XPNPEP1: variants seen among roughly 807,000 people sequenced by gnomAD.
XPNPEP1 encodes the protein X-prolyl aminopeptidase 1.
A neutral mutation model predicts 92.4 loss-of-function variants in XPNPEP1; 39 were observed. That is an observed-to-expected ratio of 0.42 (90% CI 0.33 to 0.55). The LOEUF is 0.55. Ranked by LOEUF, XPNPEP1 falls within the 20% of genes least tolerant of loss-of-function variation. The probability of loss-of-function intolerance (pLI) is 0.08; values close to 1 mark genes in which losing one functional copy is unlikely to be tolerated. For missense variants in XPNPEP1, 654 were observed against 856.1 expected (o/e 0.76, Z 2.95); for synonymous variants, 307 against 299.4 (o/e 1.03, Z -0.26).
At chr10:109,907,135 G>A (rs554847923) in intron 3 of XPNPEP1, among the ~76,000 whole-genome samples, 1 of 152,282 alleles carries the variant, frequency 6.6e-6, no homozygotes, top group African/African-American at 2.4e-5. Context: ...TTCTGTGGAA[G>A]AATAGCACTC....
chr10:109,888,575 G>A lies in XPNPEP1; in HGVS notation c.436C>T (p.Gln146Ter). ...MKMGLKDTPTQEDWLVSVLPE... is the reference protein window; with the variant it reads ...MKMGLKDTPT ...AGCACACTCACCAGCCAGTCTTCCT[G>A]AGTTGGTGTGTCCTTCAGACCTACA... Residue 146 changes from glutamine (Q) to a stop codon, truncating the protein, a stop_gained, in exon 6 of 21, where the codon CAG becomes TAG. Transcript: ENST00000502935. LOFTEE classifies it high-confidence loss of function. 1 of 1,609,026 alleles carries A rather than the reference G, an allele frequency of 6.2e-7. No individual in the cohort carries two copies. The highest frequency in any genetic ancestry group is 8.5e-7 in the Non-Finnish European group (1 of 1,177,074).
chr10:109,920,306 G>A (rs1045784502), intron 1 of XPNPEP1, among the ~76,000 whole-genome samples: 1 of 152,126 alleles, frequency 6.6e-6, no homozygotes, highest in Non-Finnish European at 1.5e-5. Flanking sequence ...GATGATAGTT[G>A]TACAACTCTG....
rs1299333885 is a variant in XPNPEP1, at chr10:109,884,161, T to C, written c.749-13A>G. 3.1e-6 allele frequency: 5 copies of C among 1,612,280 alleles called. No individual in the cohort carries two copies. The African/African-American group carries it at 5.3e-5, about 17-fold the overall frequency. ...AGATTAAATAGCCCTAGAAAAGAAA[T>C]CAAAATCCCTGTCACCTGTCTGACT... On this transcript the variant is annotated splice_polypyrimidine_tract_variant and intron_variant, in intron 8 of 20. Transcript: ENST00000502935.
At chr10:109,906,199 C>T (rs760970518) in intron 3 of XPNPEP1, among the ~76,000 whole-genome samples, 1 of 152,204 alleles carries the variant, frequency 6.6e-6, no homozygotes, top group Non-Finnish European at 1.5e-5. Context: ...CACACACAGA[C>T]ACAGACACGC....
In XPNPEP1 at chr10:109,865,325, G is replaced by A; in HGVS notation, c.1873-13C>T. ...TGAGCCAGTCGCACTGCAGGGAAGAGAAGGACAGACACGGTATTCACCACT... is the reference window on the plus strand; with the variant it reads ...TGAGCCAGTCGCACTGCAGGGAAGAAAAGGACAGACACGGTATTCACCACT... On this transcript the variant is annotated splice_polypyrimidine_tract_variant and intron_variant, in intron 20 of 20. Coordinates refer to ENST00000502935, the MANE Select transcript of XPNPEP1 (RefSeq NM_020383.4). 6.2e-7 allele frequency: 1 copy of A among 1,614,014 alleles called. No individual in the cohort carries two copies. Among genetic ancestry groups the A allele is most frequent in the Middle Eastern group, 1.7e-4 (1 of 6,024 alleles).
intron 19 of XPNPEP1, among the ~76,000 whole-genome samples, chr10:109,869,161 G>A (rs1847307123): frequency 1.3e-5 from 2 of 152,226 alleles, no homozygotes; most frequent in African/African-American, 2.4e-5. Flanking sequence ...ATCCACTGGA[G>A]CACACAAGAA....
chr10:109,886,785 C>G (rs907668616), intron 7 of XPNPEP1, among the ~76,000 whole-genome samples: 4 of 152,178 alleles, frequency 2.6e-5, no homozygotes, highest in Admixed American at 6.5e-5. Flanking sequence ...AACACACTAC[C>G]CAGCAAAGGG....
chr10:109,873,315 CTCT>C (rs1847588669), intron 16 of XPNPEP1, 49 bp downstream of exon 16: 3 of 1,602,604 alleles, frequency 1.9e-6, no homozygotes, highest in Non-Finnish European at 2.6e-6. Context: ...AAAAGCAATG[CTCT>C]TCTTAAGAAA....
rs1589530289 is a variant in XPNPEP1, at chr10:109,865,121, G to A, written c.*63C>T. On this transcript the variant is annotated 3_prime_UTR_variant, in exon 21 of 21. Transcript: ENST00000502935. Reference sequence around the variant, plus strand: ...GAAAGGAAAGGGGAAAGATGTCAGGGATCTGCCACGTTTCTTCCTTCCTCC... The same window carrying A: ...GAAAGGAAAGGGGAAAGATGTCAGGAATCTGCCACGTTTCTTCCTTCCTCC... 11 of 1,604,164 alleles carry A rather than the reference G, an allele frequency of 6.9e-6. No homozygotes were observed. In the East Asian group the frequency reaches 2.2e-4, roughly 33 times the overall value.
chr10:109,875,817 A>G (rs914628212), intron 14 of XPNPEP1: 1 of 445,068 alleles, frequency 2.2e-6, no homozygotes, highest in African/African-American at 2.0e-5. Flanking sequence ...TGAGATAAAG[A>G]GCTCAACAAA....
At chr10:109,904,479 T>A (rs61881573) in intron 3 of XPNPEP1, among the ~76,000 whole-genome samples, 1 of 151,858 alleles carries the variant, frequency 6.6e-6, no homozygotes, top group Non-Finnish European at 1.5e-5. Context: ...ACCCCGCCCC[T>A]GAAATAACTG....
intron 3 of XPNPEP1, among the ~76,000 whole-genome samples, chr10:109,904,903 T>C (rs1273537048): frequency 5.9e-5 from 9 of 152,164 alleles, no homozygotes; most frequent in East Asian, 1.9e-4. Context: ...GCAATCTCAC[T>C]TGTGGGCATA....
chr10:109,923,358 G>A (rs1167674100), intron 1 of XPNPEP1, 44 bp downstream of exon 1: 3 of 1,422,530 alleles, frequency 2.1e-6, no homozygotes, highest in Non-Finnish European at 2.8e-6. Context: ...CGCAGCGAGG[G>A]CTGCACGCTG....
chr10:109,899,223 C>T (rs187192714), intron 3 of XPNPEP1, among the ~76,000 whole-genome samples: 1 of 152,318 alleles, frequency 6.6e-6, no homozygotes, highest in Admixed American at 6.5e-5. Flanking sequence ...AAAGTAGCTG[C>T]CCAGCCAGGC....
intron 9 of XPNPEP1, among the ~76,000 whole-genome samples, chr10:109,883,467 C>T (rs1848220260): frequency 6.6e-6 from 1 of 152,160 alleles, no homozygotes. Flanking sequence ...CTGGTGCCCA[C>T]TTATGTGCCC....
chr10:109,866,763 C>T (rs901353333), intron 20 of XPNPEP1, among the ~76,000 whole-genome samples: 1 of 152,194 alleles, frequency 6.6e-6, no homozygotes, highest in Non-Finnish European at 1.5e-5. Flanking sequence ...TAGTAAAGGG[C>T]AAATGACCAG....
At chr10:109,919,573 G>A (rs772239982) in intron 1 of XPNPEP1, among the ~76,000 whole-genome samples, 3 of 152,050 alleles carry the variant, frequency 2.0e-5, no homozygotes, top group African/African-American at 7.3e-5. Context: ...CCATTCCTAG[G>A]TACACAATCA....
rs115697920 is a variant in XPNPEP1 at position 109,921,426 on chromosome 10, C to A, written c.32+1976G>T. On this transcript the variant is annotated intron_variant, in intron 1 of 20. Transcript: ENST00000502935. ...AAGAAGCATGCAGAGCACTTTCAAT[C>A]TTTGTATAAGATGGTTATGGTAGCA... is the stretch of plus-strand genomic sequence containing the variant. Among the ~76,000 whole-genome samples the A allele has an allele frequency of 6.3e-3, 958 of 152,312 alleles. 6 individuals carry two copies. Among genetic ancestry groups the A allele is most frequent in the African/African-American group, 0.021 (891 of 41,570 alleles).
chr10:109,898,648 G>A lies in XPNPEP1; in HGVS notation c.247-5573C>T, dbSNP rs1179620843. Among the ~76,000 whole-genome samples the A allele has an allele frequency of 2.0e-5, 3 of 152,244 alleles. No individual in the cohort carries two copies. In the South Asian group the frequency reaches 6.2e-4, roughly 32 times the overall value. On this transcript the variant is annotated intron_variant, in intron 3 of 20. Coordinates refer to ENST00000502935, the MANE Select transcript of XPNPEP1 (RefSeq NM_020383.4). ...ACACCCAATTAGCCTAATGGCAGGG[G>A]CAAGAAGTTCAAGGGAGCAGCTGCA...
Sources: allele counts gnomAD v4.1 joint callset (sites outside exome capture counted in the v4.1 genomes callset), GRCh38; gene constraint gnomAD v4.1.1; transcripts MANE v1.5; gene names NCBI Gene and HGNC (gene_info 2026-07-23, HGNC 2026-07-21).